The following KHDRBS2 variants were observed in gnomAD, a reference collection of about 807,000 sequenced individuals.
The protein encoded by KHDRBS2 is KH RNA binding domain containing, signal transduction associated 2, also known as KH domain-containing, RNA-binding, signal transduction-associated protein 2.
In KHDRBS2, 26 loss-of-function variants were observed where a neutral mutation model predicts 44.3. That is an observed-to-expected ratio of 0.59 (90% CI 0.43 to 0.81). The LOEUF is 0.81. Ranked by LOEUF, KHDRBS2 falls within the 40% of genes least tolerant of loss-of-function variation. KHDRBS2 has a pLI of 0.00. For synonymous variants in KHDRBS2, 194 were observed against 151.1 expected, an observed-to-expected ratio of 1.28 and a Z score of -2.08; for missense variants, 476 against 433.1, an observed-to-expected ratio of 1.10 and a Z score of -0.88.
intron 3 of KHDRBS2, among the ~76,000 whole-genome samples, chr6:61,980,585 A>G (rs1167727317): frequency 2.0e-5 from 3 of 152,190 alleles, no homozygotes; most frequent in Non-Finnish European, 4.4e-5. Context: ...TGAGGGATCA[A>G]AATTGATGCC....
At chr6:61,970,147 T>C (rs910414981) in intron 4 of KHDRBS2, among the ~76,000 whole-genome samples, 3 of 152,004 alleles carry the variant, frequency 2.0e-5, no homozygotes, top group Non-Finnish European at 2.9e-5. Flanking sequence ...TGTATCTATA[T>C]ATAATATCAT....
At chr6:61,688,539 AG>A (rs1472371860) in intron 8 of KHDRBS2, among the ~76,000 whole-genome samples, 1 of 151,948 alleles carries the variant, frequency 6.6e-6, no homozygotes, top group Non-Finnish European at 1.5e-5. Flanking sequence ...TCAGTGAAGA[AG>A]GTAGGCTTGG....
the KHDRBS2 span, among the ~76,000 whole-genome samples, chr6:61,577,087 C>G: frequency 6.6e-6 from 1 of 150,740 alleles, no homozygotes; most frequent in Non-Finnish European, 1.5e-5. Flanking sequence ...CTTATGATAC[C>G]TGGTAGTTGT....
At chr6:62,222,977 A>T (rs1224248290) in intron 1 of KHDRBS2, among the ~76,000 whole-genome samples, 1 of 152,050 alleles carries the variant, frequency 6.6e-6, no homozygotes, top group Non-Finnish European at 1.5e-5. Context: ...CTGTCAGTGG[A>T]TCTACCATTC....
chr6:62,271,842 A>C (rs1389896781), intron 1 of KHDRBS2, among the ~76,000 whole-genome samples: 3 of 152,182 alleles, frequency 2.0e-5, no homozygotes, highest in South Asian at 4.1e-4. Flanking sequence ...AAAATTAAAA[A>C]GCTTATAAAG....
At chr6:61,908,910 A>G (rs1182277073) in intron 4 of KHDRBS2, among the ~76,000 whole-genome samples, 1 of 152,162 alleles carries the variant, frequency 6.6e-6, no homozygotes, top group East Asian at 1.9e-4. Flanking sequence ...AAATATCCAC[A>G]CTCAAAGAAA....
At chr6:61,797,757 GTGTGTGTA>G (rs1785597458) in intron 6 of KHDRBS2, among the ~76,000 whole-genome samples, 2 of 149,764 alleles carry the variant, frequency 1.3e-5, no homozygotes, top group Non-Finnish European at 3.0e-5. Context: ...GTGTGTGTGT[GTGTGTGTA>G]TGTATATATA....
chr6:62,123,710 A>C (rs557618598), intron 2 of KHDRBS2, among the ~76,000 whole-genome samples: 3 of 152,330 alleles, frequency 2.0e-5, no homozygotes, highest in African/African-American at 7.2e-5. Flanking sequence ...AAACATTTGA[A>C]CCTTATCACT....
chr6:61,764,922 C>T (rs1582682842), intron 6 of KHDRBS2, among the ~76,000 whole-genome samples: 1 of 151,210 alleles, frequency 6.6e-6, no homozygotes, highest in Middle Eastern at 3.4e-3. Flanking sequence ...TTCAGGTGTG[C>T]ATTGTTGTAC....
the KHDRBS2 span, among the ~76,000 whole-genome samples, chr6:61,641,711 G>C: frequency 1.3e-5 from 2 of 152,026 alleles, no homozygotes; most frequent in African/African-American, 4.8e-5. Flanking sequence ...TTTCATCTTT[G>C]TATCCCTAGT....
chr6:61,878,879 C>T (rs1799830265), intron 6 of KHDRBS2, among the ~76,000 whole-genome samples: 1 of 151,916 alleles, frequency 6.6e-6, no homozygotes, highest in African/African-American at 2.4e-5. Flanking sequence ...AATATGGTTG[C>T]TGTAAAATTA....
chr6:62,263,500 T>C (rs1444942096), intron 1 of KHDRBS2, among the ~76,000 whole-genome samples: 1 of 151,724 alleles, frequency 6.6e-6, no homozygotes, highest in Non-Finnish European at 1.5e-5. Context: ...ACTATTTTTG[T>C]TTAGCAGAGT....
chr6:62,245,597 T>G (rs943447549), intron 1 of KHDRBS2, among the ~76,000 whole-genome samples: 22 of 152,096 alleles, frequency 1.4e-4, no homozygotes, highest in African/African-American at 5.3e-4. Flanking sequence ...TATATTTTAA[T>G]ATAAAATAGG....
intron 3 of KHDRBS2, among the ~76,000 whole-genome samples, chr6:62,032,264 C>G (rs555486925): frequency 1.1e-4 from 16 of 152,084 alleles, no homozygotes; most frequent in Non-Finnish European, 1.9e-4. Context: ...GGCAGACACA[C>G]CGTTAATCTG....
intron 3 of KHDRBS2, among the ~76,000 whole-genome samples, chr6:62,005,702 G>C (rs1056236686): frequency 2.0e-5 from 3 of 150,886 alleles, no homozygotes; most frequent in African/African-American, 7.3e-5. Context: ...TGTGAATAAA[G>C]AATATAAAAT....
chr6:61,756,109 A>G (rs193117043), intron 6 of KHDRBS2, among the ~76,000 whole-genome samples: 125 of 151,818 alleles, frequency 8.2e-4, no homozygotes, highest in South Asian at 1.5e-3. Context: ...GGGAAAGTTT[A>G]TGCAGTGACA....
At chr6:61,757,954 C>T (rs148341696) in intron 6 of KHDRBS2, among the ~76,000 whole-genome samples, 10 of 152,278 alleles carry the variant, frequency 6.6e-5, no homozygotes, top group South Asian at 2.1e-4. Context: ...CATTTTCCCC[C>T]GAACTCAGTT....
At chr6:62,061,574 T>A (rs2127326902) in intron 2 of KHDRBS2, among the ~76,000 whole-genome samples, 1 of 150,516 alleles carries the variant, frequency 6.6e-6, no homozygotes, top group East Asian at 2.0e-4. Flanking sequence ...CCTTTGAGGG[T>A]AACCCGAGCT....
intron 2 of KHDRBS2, among the ~76,000 whole-genome samples, chr6:62,104,807 G>A (rs1215759463): frequency 6.6e-6 from 1 of 151,632 alleles, no homozygotes; most frequent in East Asian, 1.9e-4. Flanking sequence ...TAAATAATAA[G>A]TTACAATAAA....
Sources: gnomAD v4.1 joint callset for allele counts (sites outside exome capture counted in the v4.1 genomes callset) on GRCh38, gnomAD v4.1.1 for gene constraint, MANE v1.5 for transcripts, NCBI Gene and HGNC (gene_info 2026-07-23, HGNC 2026-07-21) for gene names.